MRTFB: variants seen among roughly 807,000 people sequenced by gnomAD.
The protein encoded by MRTFB is myocardin related transcription factor B.
Under a neutral mutation model 104.2 loss-of-function variants are expected in MRTFB, and 29 were observed. That is an observed-to-expected ratio of 0.28 (90% CI 0.21 to 0.38). The LOEUF is 0.38. Among genes scored for constraint, MRTFB ranks in the 10% least tolerant of loss-of-function variants. The probability of loss-of-function intolerance (pLI) is 1.00; values close to 1 mark genes in which losing one functional copy is unlikely to be tolerated. For synonymous variants in MRTFB, 535 were observed against 519.5 expected (o/e 1.03, Z -0.41); for missense variants, 1,270 against 1,341.6 (o/e 0.95, Z 0.83).
In MRTFB at chr16:14,133,763, A is replaced by G. The variant is rs142857615; in HGVS notation, c.-63-6781A>G. ...ATGCTAATTATAATTCAACAAAATT[A>G]CAGTTTGTTTTTAACCCAATAATTG... On this transcript the variant is annotated intron_variant, in intron 2 of 16. Coordinates refer to ENST00000571589, the MANE Select transcript of MRTFB (RefSeq NM_001308142.2). Among the ~76,000 whole-genome samples, 1,491 of 149,258 alleles carry G rather than the reference A, an allele frequency of 1.0e-2. 28 individuals carry two copies. The highest frequency in any genetic ancestry group is 0.037 in the African/African-American group (1,420 of 38,712).
chr16:14,051,365 G>A, the MRTFB span, among the ~76,000 whole-genome samples: 5 of 151,382 alleles, frequency 3.3e-5, no homozygotes, highest in East Asian at 9.7e-4. Context: ...ATACCTATAG[G>A]CATACAAACA....
chr16:14,210,987 A>T lies in MRTFB; in HGVS notation c.220+679A>T, dbSNP rs2041168109. Among the ~76,000 whole-genome samples the T allele has an allele frequency of 2.0e-5, 3 of 152,140 alleles. No individual in the cohort carries two copies. The South Asian group carries it at 6.2e-4, about 32-fold the overall frequency. ...TTTGTATAGGCCATTAGGATTGTGT[A>T]TCTGGATTTTGTGTAAAAATGGACC... On this transcript the variant is annotated intron_variant, in intron 4 of 16. Coordinates refer to ENST00000571589, the MANE Select transcript of MRTFB (RefSeq NM_001308142.2).
At chr16:14,031,876 C>A in the MRTFB span, among the ~76,000 whole-genome samples, 1 of 152,132 alleles carries the variant, frequency 6.6e-6, no homozygotes, top group African/African-American at 2.4e-5. Flanking sequence ...GGCATGATCT[C>A]GGCTCTCTGC....
chr16:14,112,264 G>C (rs532245231), intron 2 of MRTFB, among the ~76,000 whole-genome samples: 2 of 152,314 alleles, frequency 1.3e-5, no homozygotes, highest in African/African-American at 4.8e-5. Context: ...TCCAGAATTT[G>C]AGAGATAGCT....
the MRTFB span, among the ~76,000 whole-genome samples, chr16:14,003,661 C>T: frequency 1.5e-5 from 2 of 135,276 alleles, no homozygotes; most frequent in Non-Finnish European, 3.0e-5. Flanking sequence ...TCCCTCCCTC[C>T]CTCCCTCCCT....
At chr16:14,031,825 T>G in the MRTFB span, among the ~76,000 whole-genome samples, 3 of 152,162 alleles carry the variant, frequency 2.0e-5, no homozygotes, top group African/African-American at 7.2e-5. Context: ...TTTATCTTTT[T>G]GAGACAGAGT....
At chr16:14,030,742 C>G in the MRTFB span, among the ~76,000 whole-genome samples, 5 of 152,210 alleles carry the variant, frequency 3.3e-5, no homozygotes, top group African/African-American at 1.2e-4. Flanking sequence ...ATCAGGCAGC[C>G]TGGATCCTGA....
intron 2 of MRTFB, among the ~76,000 whole-genome samples, chr16:14,098,592 G>A (rs926397658): frequency 1.1e-4 from 16 of 152,028 alleles, no homozygotes. Flanking sequence ...TTTATTTTAT[G>A]CATTGTGTTT....
chr16:14,002,989 A>C, the MRTFB span, among the ~76,000 whole-genome samples: 1 of 152,138 alleles, frequency 6.6e-6, no homozygotes, highest in Non-Finnish European at 1.5e-5. Flanking sequence ...TAGACTTAGG[A>C]GGAAGAAGTG....
chr16:14,026,680 C>T, the MRTFB span, among the ~76,000 whole-genome samples: 5 of 152,064 alleles, frequency 3.3e-5, no homozygotes, highest in African/African-American at 9.7e-5. Flanking sequence ...GGAATATACA[C>T]AAAGAACTTT....
chr16:14,248,704 C>G (rs959517737), intron 12 of MRTFB: 1 of 426,120 alleles, frequency 2.3e-6, no homozygotes, highest in African/African-American at 2.1e-5. Flanking sequence ...ATCTTAGCTA[C>G]TTAGGAATAA....
intron 8 of MRTFB, among the ~76,000 whole-genome samples, chr16:14,228,641 TATTCACA>T: frequency 6.6e-6 from 1 of 152,090 alleles, no homozygotes; most frequent in East Asian, 1.9e-4. Context: ...ATAGCAGCAT[TATTCACA>T]ATAGCCAAAA....
upstream of MRTFB, among the ~76,000 whole-genome samples, chr16:14,070,580 G>C (rs2033624303): frequency 6.6e-6 from 1 of 152,204 alleles, no homozygotes; most frequent in African/African-American, 2.4e-5. Context: ...ACAGGCCTTG[G>C]GAAGTTTGTA....
intron 3 of MRTFB, among the ~76,000 whole-genome samples, chr16:14,150,650 A>G (rs2038568369): frequency 6.6e-6 from 1 of 152,164 alleles, no homozygotes; most frequent in African/African-American, 2.4e-5. Flanking sequence ...CTTGGACAAT[A>G]TATAGCAAGA....
In MRTFB at chr16:14,211,910, T is replaced by A. The variant is rs184165451; in HGVS notation, c.221-444T>A. Among the ~76,000 whole-genome samples the A allele has an allele frequency of 9.4e-4, 143 of 152,272 alleles. No homozygotes were observed. The East Asian group carries it at 0.01, about 11-fold the overall frequency. On this transcript the variant is annotated intron_variant, in intron 4 of 16. Transcript: ENST00000571589. ...TAGCCATGGTTAAGCACAGAGCCCA[T>A]TACGGGTTCTAAATAAATGATACCT...
chr16:14,093,839 C>T (rs1365117824), intron 2 of MRTFB, among the ~76,000 whole-genome samples: 3 of 152,188 alleles, frequency 2.0e-5, no homozygotes, highest in African/African-American at 7.2e-5. Flanking sequence ...TGTATCACTT[C>T]TAAAATCAGT....
At chr16:14,127,929 ATTTTTTT>A (rs67001306) in intron 2 of MRTFB, among the ~76,000 whole-genome samples, 20 of 44,630 alleles carry the variant, frequency 4.5e-4, no homozygotes, top group South Asian at 9.8e-4. Context: ...ATATATATAT[ATTTTTTT>A]TTTTTTTTTT....
At chr16:14,018,571 A>T in the MRTFB span, among the ~76,000 whole-genome samples, 16 of 152,312 alleles carry the variant, frequency 1.1e-4, no homozygotes, top group Admixed American at 4.6e-4. Flanking sequence ...TTCACATGAA[A>T]ATCAGGCTGT....
chr16:14,139,454 G>A (rs2142552598), intron 2 of MRTFB, among the ~76,000 whole-genome samples: 1 of 152,296 alleles, frequency 6.6e-6, no homozygotes, highest in Non-Finnish European at 1.5e-5. Context: ...ATACCCTGCT[G>A]GTAAGAATGT....
Sources: allele counts gnomAD v4.1 joint callset (sites outside exome capture counted in the v4.1 genomes callset), GRCh38; gene constraint gnomAD v4.1.1; transcripts MANE v1.5; gene names NCBI Gene and HGNC (gene_info 2026-07-23, HGNC 2026-07-21).